TBC1D4: variants seen among roughly 807,000 people sequenced by gnomAD.
The protein encoded by TBC1D4 is TBC (Tre-2, BUB2, CDC16) domain-containing protein.
TBC1D4 carries 121 observed loss-of-function variants against 142.5 expected under a neutral mutation model. The ratio of observed to expected loss-of-function variants is 0.85; its 90% CI spans 0.73 to 0.99. The LOEUF (loss-of-function observed/expected upper bound fraction) is 0.99. Ranked by LOEUF, TBC1D4 falls within the 50% of genes least tolerant of loss-of-function variation. The pLI is 0.00. For synonymous variants in TBC1D4, 630 were observed against 628.2 expected, an observed-to-expected ratio of 1.00 and a Z score of -0.04; for missense variants, 1,475 against 1,606.6, an observed-to-expected ratio of 0.92 and a Z score of 1.40.
At chr13:75,319,137 C>T (rs2054713949) in intron 12 of TBC1D4, among the ~76,000 whole-genome samples, 1 of 152,134 alleles carries the variant, frequency 6.6e-6, no homozygotes, top group Non-Finnish European at 1.5e-5. Flanking sequence ...CTGAGACTTG[C>T]CAATTACCAG....
At chr13:75,481,147 G>A (rs1888847949) in intron 1 of TBC1D4, 123 bp downstream of exon 1, 2 of 1,400,694 alleles carry the variant, frequency 1.4e-6, no homozygotes, top group African/African-American at 2.9e-5. Context: ...CGCGCCACGT[G>A]GAGCGCGCGC....
chr13:75,300,545 T>A (rs980991408), intron 16 of TBC1D4, among the ~76,000 whole-genome samples: 3 of 152,198 alleles, frequency 2.0e-5, no homozygotes, highest in Non-Finnish European at 4.4e-5. Flanking sequence ...AGATTAATTC[T>A]GCAGAGCCAG....
chr13:75,393,927 C>A (rs79103470), intron 1 of TBC1D4, among the ~76,000 whole-genome samples: 80 of 135,958 alleles, frequency 5.9e-4, no homozygotes, highest in African/African-American at 7.0e-4. Context: ...AACTCTGTCT[C>A]AAAAAAAAAA....
At chr13:75,383,356 A>T (rs951605072) in intron 1 of TBC1D4, among the ~76,000 whole-genome samples, 2 of 152,214 alleles carry the variant, frequency 1.3e-5, no homozygotes, top group African/African-American at 4.8e-5. Flanking sequence ...CCTATCCTGA[A>T]TTCTGAATTC....
At chr13:75,466,631 G>C (rs1264720308) in intron 1 of TBC1D4, among the ~76,000 whole-genome samples, 2 of 152,100 alleles carry the variant, frequency 1.3e-5, no homozygotes, top group East Asian at 3.8e-4. Flanking sequence ...CCAGCACTTT[G>C]GGAGGCCGAG....
chr13:75,419,401 G>A (rs1886065168), intron 1 of TBC1D4, among the ~76,000 whole-genome samples: 1 of 152,050 alleles, frequency 6.6e-6, no homozygotes, highest in Admixed American at 6.5e-5. Flanking sequence ...TATCTAGTAA[G>A]GATTGCAGAT....
At chr13:75,367,575 A>G (rs1211480587) in intron 1 of TBC1D4, among the ~76,000 whole-genome samples, 1 of 152,112 alleles carries the variant, frequency 6.6e-6, no homozygotes, top group African/African-American at 2.4e-5. Flanking sequence ...AAACTGAAAA[A>G]CTGCCTAATG....
At chr13:75,389,610 C>A (rs1420829699) in intron 1 of TBC1D4, among the ~76,000 whole-genome samples, 2 of 150,690 alleles carry the variant, frequency 1.3e-5, no homozygotes, top group Non-Finnish European at 3.0e-5. Flanking sequence ...GTTAATTAAA[C>A]TGGTTAAATA....
chr13:75,371,365 C>T (rs1883212371), intron 1 of TBC1D4, among the ~76,000 whole-genome samples: 1 of 152,060 alleles, frequency 6.6e-6, no homozygotes, highest in African/African-American at 2.4e-5. Flanking sequence ...CTTAAGTAGG[C>T]AAGAGGGGAC....
chr13:75,405,898 T>C (rs1223676826), intron 1 of TBC1D4, among the ~76,000 whole-genome samples: 1 of 152,248 alleles, frequency 6.6e-6, no homozygotes, highest in Admixed American at 6.5e-5. Flanking sequence ...ACTTATCTTT[T>C]AAGAATTAAG....
At chr13:75,295,115 C>T in intron 17 of TBC1D4, 102 bp from the exon 18 acceptor site, 1 of 1,079,766 alleles carries the variant, frequency 9.3e-7, no homozygotes, top group Non-Finnish European at 1.3e-6. Context: ...AACAAATTCA[C>T]ATATATAAGT....
rs181129230 is a variant in TBC1D4 at position 75,434,394 on chromosome 13, A to G, written c.498+46876T>C. 5.3e-5 allele frequency among the ~76,000 whole-genome samples: 8 copies of G among 152,332 alleles called. No individual in the cohort carries two copies. In the East Asian group the frequency reaches 1.5e-3, roughly 29 times the overall value. On this transcript the variant is annotated intron_variant, in intron 1 of 20. Transcript: ENST00000377636. ...GTGCTGGAGGCTATTATCTTTAGCA[A>G]ACTAACACAGGAACAGAAAACCAAA...
intron 1 of TBC1D4, among the ~76,000 whole-genome samples, chr13:75,423,226 T>A (rs904137483): frequency 1.3e-5 from 2 of 152,128 alleles, no homozygotes; most frequent in Admixed American, 1.3e-4. Context: ...TTTTAATTTA[T>A]ATAGTTCAAA....
At chr13:75,301,623 C>T (rs1006824775) in intron 16 of TBC1D4, among the ~76,000 whole-genome samples, 12 of 146,896 alleles carry the variant, frequency 8.2e-5, no homozygotes, top group Non-Finnish European at 1.2e-4. Flanking sequence ...CCAGCCTGGG[C>T]AACAGAGGGA....
At chr13:75,340,847 G>A (rs540930156) in intron 7 of TBC1D4, among the ~76,000 whole-genome samples, 8 of 152,212 alleles carry the variant, frequency 5.3e-5, no homozygotes, top group Non-Finnish European at 1.2e-4. Flanking sequence ...CCGGGAAGCT[G>A]AGGCAGAAGA....
intron 4 of TBC1D4, among the ~76,000 whole-genome samples, chr13:75,349,726 C>T (rs1421878830): frequency 6.6e-6 from 1 of 152,142 alleles, no homozygotes; most frequent in African/African-American, 2.4e-5. Context: ...ATCCTATTTA[C>T]TTTTCTGGAT....
At chr13:75,319,246 T>C (rs188453187) in intron 12 of TBC1D4, among the ~76,000 whole-genome samples, 75 of 152,350 alleles carry the variant, frequency 4.9e-4, no homozygotes, top group Non-Finnish European at 7.6e-4. Flanking sequence ...ATACTTAATA[T>C]TATATTTTCA....
At chr13:75,305,086 G>C (rs1593891898) in intron 15 of TBC1D4, among the ~76,000 whole-genome samples, 1 of 152,144 alleles carries the variant, frequency 6.6e-6, no homozygotes, top group Non-Finnish European at 1.5e-5. Flanking sequence ...TCCTGTGGTA[G>C]TGAGTAAGTC....
At chr13:75,312,491 G>A (rs1322555020) in intron 13 of TBC1D4, among the ~76,000 whole-genome samples, 3 of 151,514 alleles carry the variant, frequency 2.0e-5, no homozygotes, top group Non-Finnish European at 4.4e-5. Context: ...TCACAGTTCC[G>A]TCTACCTTGT....
Sources: allele counts gnomAD v4.1 joint callset (sites outside exome capture counted in the v4.1 genomes callset), GRCh38; gene constraint gnomAD v4.1.1; transcripts MANE v1.5; gene names NCBI Gene and HGNC (gene_info 2026-07-23, HGNC 2026-07-21).